TNIK: variants seen among roughly 807,000 people sequenced by gnomAD.
The protein encoded by TNIK is TRAF2 and NCK-interacting protein kinase.
A neutral mutation model predicts 191.3 loss-of-function variants in TNIK; 49 were observed. That is an observed-to-expected ratio of 0.26 (90% CI 0.20 to 0.32). The LOEUF (loss-of-function observed/expected upper bound fraction) is 0.32, where lower values mean the gene tolerates loss of function less well. Ranked by LOEUF, TNIK falls within the 10% of genes least tolerant of loss-of-function variation. The pLI, the probability that TNIK is intolerant of heterozygous loss-of-function variation, is 1.00. For synonymous variants in TNIK, 594 were observed against 600.9 expected, an observed-to-expected ratio of 0.99 and a Z score of 0.17; for missense variants, 1,155 against 1,702.3, an observed-to-expected ratio of 0.68 and a Z score of 5.66.
intron 2 of TNIK, among the ~76,000 whole-genome samples, chr3:171,352,442 T>C (rs562121793): frequency 6.6e-6 from 1 of 152,308 alleles, no homozygotes; most frequent in South Asian, 2.1e-4. Flanking sequence ...GTGTTATTTA[T>C]CCAAAGAATA....
intron 30 of TNIK, among the ~76,000 whole-genome samples, chr3:171,068,423 A>G (rs2108311723): frequency 6.6e-6 from 1 of 152,286 alleles, no homozygotes; most frequent in South Asian, 2.1e-4. Flanking sequence ...CCTCAAGCTG[A>G]AGAGAGGAAC....
intron 2 of TNIK, among the ~76,000 whole-genome samples, chr3:171,231,313 T>G (rs1560294553): frequency 1.4e-5 from 2 of 143,096 alleles, no homozygotes; most frequent in Admixed American, 6.7e-5. Flanking sequence ...GTTGTTGTTG[T>G]TTTGTTTTTT....
At chr3:171,250,947 C>T (rs1746154123) in intron 2 of TNIK, among the ~76,000 whole-genome samples, 1 of 152,192 alleles carries the variant, frequency 6.6e-6, no homozygotes, top group Non-Finnish European at 1.5e-5. Flanking sequence ...GTACATTATT[C>T]AAAGACCCCA....
chr3:171,067,031 C>T (rs1257907280), intron 30 of TNIK, among the ~76,000 whole-genome samples: 6 of 152,162 alleles, frequency 3.9e-5, no homozygotes, highest in Non-Finnish European at 7.4e-5. Flanking sequence ...TACAATAGCT[C>T]CCCAAGGTAG....
intron 2 of TNIK, among the ~76,000 whole-genome samples, chr3:171,350,146 C>T (rs1712904959): frequency 6.6e-6 from 1 of 152,074 alleles, no homozygotes; most frequent in African/African-American, 2.4e-5. Context: ...TTGTCTATAC[C>T]ATTGTCCTTA....
At chr3:171,403,193 T>C (rs1458638019) in intron 1 of TNIK, among the ~76,000 whole-genome samples, 1 of 152,016 alleles carries the variant, frequency 6.6e-6, no homozygotes, top group Non-Finnish European at 1.5e-5. Context: ...CCCAACAAGA[T>C]GAAACAGATG....
At chr3:171,425,025 G>A (rs1724372334) in intron 1 of TNIK, among the ~76,000 whole-genome samples, 1 of 149,938 alleles carries the variant, frequency 6.7e-6, no homozygotes, top group Non-Finnish European at 1.5e-5. Flanking sequence ...TAGAGGGAAT[G>A]ACTACAATCA....
At position 171,300,115 on chromosome 3, in the gene TNIK, T is replaced by C. The variant is rs571109615; in HGVS notation, c.123+69505A>G. On this transcript the variant is annotated intron_variant, in intron 2 of 32. Coordinates refer to ENST00000436636, the MANE Select transcript of TNIK (RefSeq NM_015028.4). ...TGGAGTTCCATCTTTAGATGCAAAC[T>C]CAAAGTTCTCTAAGACGGGTAATGT... is the stretch of plus-strand genomic sequence containing the variant. Among the ~76,000 whole-genome samples the C allele has an allele frequency of 2.6e-4, 40 of 152,356 alleles. No individual in the cohort carries two copies. In the South Asian group the frequency reaches 2.7e-3, roughly 10 times the overall value.
chr3:171,357,062 T>C (rs995639030), intron 2 of TNIK, among the ~76,000 whole-genome samples: 8 of 152,162 alleles, frequency 5.3e-5, no homozygotes, highest in African/African-American at 1.9e-4. Context: ...CTTAGAATCA[T>C]AAAGCCAGTT....
intron 2 of TNIK, among the ~76,000 whole-genome samples, chr3:171,283,417 G>A (rs1750690818): frequency 1.3e-5 from 2 of 152,026 alleles, no homozygotes; most frequent in Admixed American, 6.6e-5. Context: ...TAAAGGAAGG[G>A]GATCGCCAAA....
rs1187329307 is a variant in TNIK, at chr3:171,157,480, G to C, written c.1201C>G (p.Gln401Glu). 14 of 1,569,898 alleles carry C rather than the reference G, an allele frequency of 8.9e-6. No individual in the cohort carries two copies. Among genetic ancestry groups the C allele is most frequent in the South Asian group, 1.2e-5 (1 of 84,970 alleles). The change falls in exon 12 of 33, where the codon CAG (glutamine) becomes GAG (glutamate). Residue 401 changes from glutamine to glutamate, a missense_variant. Physicochemically the swap from Gln to Glu is conservative, Grantham distance 29 (BLOSUM62 2). Around this residue, in one of 3 missense-constraint regions of TNIK, gnomAD observed 735 missense variants for 848.0 expected, o/e 0.87. Coordinates refer to ENST00000436636, the MANE Select transcript of TNIK (RefSeq NM_015028.4). ...RQKRIEEQKE[Q>E]RRRLEEQQRR... ...CTCACCTCCTCCAGCCGCCGCCTCT[G>C]CTCTTTCTGCTCCTCGATGCGCTTC... is the stretch of plus-strand genomic sequence containing the variant.
chr3:171,170,161 A>T (rs1012745907), intron 9 of TNIK, among the ~76,000 whole-genome samples: 1 of 152,242 alleles, frequency 6.6e-6, no homozygotes, highest in Non-Finnish European at 1.5e-5. Flanking sequence ...TTATAAAATA[A>T]AAACACCTAA....
intron 4 of TNIK, among the ~76,000 whole-genome samples, chr3:171,206,337 A>G (rs568714653): frequency 2.0e-5 from 3 of 146,530 alleles, no homozygotes; most frequent in African/African-American, 7.4e-5. Flanking sequence ...ATGTTCGTGT[A>G]TATATATATA....
rs185248557 is a variant in TNIK at position 171,132,470 on chromosome 3, T to C, written c.1609-3592A>G. ...GGTCTGTGTTATCCACTGCCTAGGA[T>C]AGGAGTAATGTCTATGGCCTCTGCT... On this transcript the variant is annotated intron_variant, in intron 15 of 32. Coordinates refer to ENST00000436636, the MANE Select transcript of TNIK (RefSeq NM_015028.4). 4.0e-3 allele frequency among the ~76,000 whole-genome samples: 614 copies of C among 152,296 alleles called. 7 individuals carry two copies. Among genetic ancestry groups the C allele is most frequent in the African/African-American group, 0.014 (589 of 41,566 alleles).
intron 28 of TNIK, among the ~76,000 whole-genome samples, chr3:171,073,520 A>G (rs1719484273): frequency 6.6e-6 from 1 of 152,138 alleles, no homozygotes; most frequent in Non-Finnish European, 1.5e-5. Flanking sequence ...AAAAAGACAA[A>G]TGGGACTTAA....
Position 171,162,366 on chromosome 3 carries a change from G to A in TNIK, c.950-1030C>T, listed in dbSNP as rs568999256. ...ATGAACCTGGAAGGTGGAGCTTGCA[G>A]TGAGCCAAGATCGCACCACTGCACT... On this transcript the variant is annotated intron_variant, in intron 10 of 32. Transcript: ENST00000436636. Among the ~76,000 whole-genome samples, 5 of 152,354 alleles carry A rather than the reference G, an allele frequency of 3.3e-5. No individual in the cohort carries two copies. The South Asian group carries it at 6.2e-4, about 19-fold the overall frequency.
At chr3:171,416,640 A>G (rs991516813) in intron 1 of TNIK, among the ~76,000 whole-genome samples, 1 of 152,176 alleles carries the variant, frequency 6.6e-6, no homozygotes, top group African/African-American at 2.4e-5. Flanking sequence ...AGCATTTTCC[A>G]TATATATCAT....
chr3:171,444,227 T>A (rs1028120765), intron 1 of TNIK, among the ~76,000 whole-genome samples: 10 of 152,204 alleles, frequency 6.6e-5, no homozygotes, highest in African/African-American at 2.4e-4. Context: ...CATGGGACAC[T>A]TTTGTGGCTA....
intron 1 of TNIK, among the ~76,000 whole-genome samples, chr3:171,411,653 T>C (rs1450028896): frequency 1.3e-5 from 2 of 152,206 alleles, no homozygotes; most frequent in East Asian, 3.8e-4. Context: ...TAATTCCTGT[T>C]GTGAATATTC....
Sources: gnomAD v4.1 joint callset for allele counts (sites outside exome capture counted in the v4.1 genomes callset) on GRCh38, gnomAD v4.1.1 for gene constraint, gnomAD v4.1.1 regional missense constraint, MANE v1.5 for transcripts, NCBI Gene and HGNC (gene_info 2026-07-23, HGNC 2026-07-21) for gene names.